Variants in CDC73 observed in about 807,000 individuals in gnomAD.
CDC73 encodes the protein parafibromin.
In CDC73, 21 loss-of-function variants were observed where a neutral mutation model predicts 83.7. The ratio of observed to expected loss-of-function variants is 0.25; its 90% CI spans 0.18 to 0.36. The LOEUF is 0.36. CDC73 is among the 10% of genes least tolerant of loss of function. The pLI is 1.00. For missense variants in CDC73, 342 were observed against 653.3 expected (o/e 0.52, Z 5.19); for synonymous variants, 224 against 212.9 (o/e 1.05, Z -0.45).
At chr1:193,148,725 A>T (rs1676053019) in intron 8 of CDC73, among the ~76,000 whole-genome samples, 1 of 144,710 alleles carries the variant, frequency 6.9e-6, no homozygotes. Context: ...GCTCACTGCA[A>T]CCTCCGCCTC....
At position 193,247,323 on chromosome 1, in the gene CDC73, A is replaced by G. The variant is rs74664883; in HGVS notation, c.1418-2407A>G. On this transcript the variant is annotated intron_variant, in intron 15 of 16. Coordinates refer to ENST00000367435, the MANE Select transcript of CDC73 (RefSeq NM_024529.5). Reference sequence around the variant, plus strand: ...GCACCACAAACCACACCCATATAAGATGGCAAACTTAGATTGATAACTGTT... The same window carrying G: ...GCACCACAAACCACACCCATATAAGGTGGCAAACTTAGATTGATAACTGTT... Among the ~76,000 whole-genome samples the G allele has an allele frequency of 2.6e-5, 4 of 152,186 alleles. No individual in the cohort carries two copies. In the East Asian group the frequency reaches 7.7e-4, roughly 29 times the overall value.
intron 7 of CDC73, among the ~76,000 whole-genome samples, chr1:193,145,703 A>G (rs1204868187): frequency 6.6e-6 from 1 of 152,210 alleles, no homozygotes; most frequent in South Asian, 2.1e-4. Flanking sequence ...GTAAGAGTGC[A>G]AAGGGGTCCT....
Position 193,180,693 on chromosome 1 carries a change from T to G in CDC73, c.973-23102T>G, listed in dbSNP as rs1227677560. ...GCATGTACCACTTGCTATCTTTGTT[T>G]CGATTGGGTGCATATCCTCGCATTA... On this transcript the variant is annotated intron_variant, in intron 10 of 16. Coordinates refer to ENST00000367435, the MANE Select transcript of CDC73 (RefSeq NM_024529.5). The G allele has an allele frequency of 2.5e-6, 4 of 1,614,010 alleles. No individual in the cohort carries two copies. The Admixed American group carries it at 6.7e-5, about 27-fold the overall frequency.
chr1:193,234,271 A>AT (rs1677717299), intron 14 of CDC73, among the ~76,000 whole-genome samples: 3 of 137,176 alleles, frequency 2.2e-5, no homozygotes, highest in South Asian at 2.2e-4. Flanking sequence ...ATTTAATTAT[A>AT]ATATATATAA....
intron 10 of CDC73, chr1:193,181,529 C>A: frequency 6.2e-7 from 1 of 1,606,344 alleles, no homozygotes; most frequent in South Asian, 1.1e-5. Context: ...GTCATCTTTG[C>A]AAAGCAGCAG....
intron 10 of CDC73, chr1:193,180,282 A>C (rs767404810): frequency 1.3e-6 from 2 of 1,535,002 alleles, no homozygotes; most frequent in Non-Finnish European, 8.8e-7. Context: ...ATTTGAAAAA[A>C]AATTGTCTTT....
rs1382496236 is a variant in CDC73, at chr1:193,135,594, A to G, written c.423+5A>G. On this transcript the variant is annotated splice_donor_5th_base_variant and intron_variant, in intron 5 of 16. Coordinates refer to ENST00000367435, the MANE Select transcript of CDC73 (RefSeq NM_024529.5). ...GCAAAGAAACCACGAATTGAGGTAA[A>G]GAAACTGTATTTTAAACAATTTTAT... 2 of 1,600,630 alleles carry G rather than the reference A, an allele frequency of 1.2e-6. No individual in the cohort carries two copies. Among genetic ancestry groups the G allele is most frequent in the Non-Finnish European group, 1.7e-6 (2 of 1,168,230 alleles).
intron 3 of CDC73, among the ~76,000 whole-genome samples, chr1:193,133,793 CCAAA>C (rs778663273): frequency 6.6e-6 from 1 of 151,938 alleles, no homozygotes; most frequent in African/African-American, 2.4e-5. Context: ...GCATAAAAGA[CCAAA>C]CACTCTATGG....
intron 10 of CDC73, among the ~76,000 whole-genome samples, chr1:193,183,966 A>G (rs937141612): frequency 6.6e-6 from 1 of 151,904 alleles, no homozygotes; most frequent in Non-Finnish European, 1.5e-5. Context: ...GAAAATAATC[A>G]TAATTTATGT....
intron 11 of CDC73, among the ~76,000 whole-genome samples, chr1:193,210,725 G>A (rs543620284): frequency 6.6e-6 from 1 of 152,100 alleles, no homozygotes; most frequent in East Asian, 1.9e-4. Flanking sequence ...CCCTGTTTTT[G>A]TTAAAAAGAA....
At position 193,180,605 on chromosome 1, in the gene CDC73, A is replaced by T. The variant is rs767772042; in HGVS notation, c.973-23190A>T. 3.7e-5 allele frequency: 60 copies of T among 1,614,024 alleles called. No homozygotes were observed. Among genetic ancestry groups the T allele is most frequent in the Non-Finnish European group, 4.7e-5 (56 of 1,179,982 alleles). ...AAAATCTTTTCTGCCAGATCTCCAG[A>T]AAAAACATAACCAGTTCCAGAACAG... is the stretch of plus-strand genomic sequence containing the variant. On this transcript the variant is annotated intron_variant, in intron 10 of 16. Coordinates refer to ENST00000367435, the MANE Select transcript of CDC73 (RefSeq NM_024529.5).
intron 2 of CDC73, among the ~76,000 whole-genome samples, chr1:193,126,911 C>A (rs914125278): frequency 3.9e-5 from 6 of 152,100 alleles, no homozygotes; most frequent in Non-Finnish European, 7.4e-5. Flanking sequence ...ACCTCCCTCC[C>A]AACTAGAAAT....
intron 10 of CDC73, among the ~76,000 whole-genome samples, chr1:193,166,400 C>G (rs573651905): frequency 6.6e-6 from 1 of 152,272 alleles, no homozygotes; most frequent in East Asian, 1.9e-4. Flanking sequence ...TTTGGCTTCT[C>G]AAAGTGCAGA....
At chr1:193,201,328 G>A (rs1055335379) in intron 10 of CDC73, among the ~76,000 whole-genome samples, 3 of 152,102 alleles carry the variant, frequency 2.0e-5, no homozygotes, top group Non-Finnish European at 4.4e-5. Context: ...GGTCTTGCAG[G>A]CCACTAGAAA....
chr1:193,216,979 A>T (rs139968499), intron 13 of CDC73, among the ~76,000 whole-genome samples: 8 of 152,324 alleles, frequency 5.3e-5, no homozygotes, highest in African/African-American at 1.9e-4. Context: ...TACAGCCAAC[A>T]TCATACTGAA....
intron 14 of CDC73, among the ~76,000 whole-genome samples, chr1:193,234,533 T>C (rs949224114): frequency 1.2e-4 from 18 of 151,870 alleles, no homozygotes; most frequent in African/African-American, 4.1e-4. Flanking sequence ...CTCATCACTA[T>C]GCTGTAAAAT....
intron 15 of CDC73, among the ~76,000 whole-genome samples, chr1:193,240,456 TACTA>T (rs1443879700): frequency 2.0e-5 from 3 of 152,226 alleles, no homozygotes; most frequent in African/African-American, 7.2e-5. Context: ...ATAGTGGCTC[TACTA>T]ACTTATATTT....
intron 10 of CDC73, 120 bp from the exon 11 acceptor site, chr1:193,203,675 C>T (rs1677129271): frequency 1.2e-6 from 1 of 819,672 alleles, no homozygotes; most frequent in Admixed American, 2.0e-5. Flanking sequence ...AGTGGAGTAA[C>T]CAACTGAGTG....
chr1:193,214,442 GCACGGTGGCT>G lies in CDC73; in HGVS notation c.1154+1970_1154+1979del, dbSNP rs1558313485. Among the ~76,000 whole-genome samples the G allele has an allele frequency of 3.3e-5, 5 of 152,308 alleles. No homozygotes were observed. In the South Asian group the frequency reaches 1.0e-3, roughly 32 times the overall value. ...ATTAAAAATGCAGATTATTGGCTGG[GCACGGTGGCT>G]CACGCCTGTGATCACAGCACTTTGG... On this transcript the variant is annotated intron_variant, in intron 13 of 16. Transcript: ENST00000367435.
Sources: gnomAD v4.1 joint callset for allele counts (sites outside exome capture counted in the v4.1 genomes callset) on GRCh38, gnomAD v4.1.1 for gene constraint, MANE v1.5 for transcripts, NCBI Gene and HGNC (gene_info 2026-07-23, HGNC 2026-07-21) for gene names.